Variants in ATXN7 observed in about 807,000 individuals in gnomAD.
The protein encoded by ATXN7 is ataxin 7.
ATXN7 carries 12 observed loss-of-function variants against 70.5 expected under a neutral mutation model. The observed-to-expected ratio is 0.17, with a 90% confidence interval of 0.11 to 0.28. The LOEUF is 0.28. Among genes scored for constraint, ATXN7 ranks in the 10% least tolerant of loss-of-function variants. The pLI is 1.00. For missense variants in ATXN7, 1,256 were observed against 1,131.7 expected (o/e 1.11, Z -1.58); for synonymous variants, 498 against 448.7 (o/e 1.11, Z -1.39).
chr3:63,908,994 T>C (rs999833198), intron 2 of ATXN7, among the ~76,000 whole-genome samples: 4 of 152,138 alleles, frequency 2.6e-5, no homozygotes, highest in African/African-American at 7.2e-5. Flanking sequence ...TTTGATGAAT[T>C]GTTTCCCCTA....
chr3:63,941,157 G>A (rs2107362857), intron 4 of ATXN7, among the ~76,000 whole-genome samples: 1 of 152,214 alleles, frequency 6.6e-6, no homozygotes, highest in Admixed American at 6.5e-5. Flanking sequence ...GGTCACTATT[G>A]ATAATATTGG....
chr3:63,890,398 G>C (rs1236322279), intron 1 of ATXN7, among the ~76,000 whole-genome samples: 1 of 152,198 alleles, frequency 6.6e-6, no homozygotes, highest in Admixed American at 6.5e-5. Flanking sequence ...AGGGAAACAA[G>C]TTTTGAGTTA....
intron 1 of ATXN7, among the ~76,000 whole-genome samples, chr3:63,872,488 C>T (rs1702628091): frequency 6.6e-6 from 1 of 152,150 alleles, no homozygotes; most frequent in Non-Finnish European, 1.5e-5. Flanking sequence ...GATCAAATTT[C>T]CTCAGGTGGA....
intron 4 of ATXN7, among the ~76,000 whole-genome samples, chr3:63,926,773 G>A (rs577285366): frequency 4.4e-4 from 67 of 152,102 alleles, no homozygotes; most frequent in Non-Finnish European, 7.5e-4. Context: ...TAGGTTAAGT[G>A]TCACCGTTTT....
chr3:63,988,247 C>T lies in ATXN7; in HGVS notation c.1284C>T (p.Asn428=), dbSNP rs1367217277. 2.5e-6 allele frequency: 4 copies of T among 1,614,134 alleles called. No individual in the cohort carries two copies. Among genetic ancestry groups the T allele is most frequent in the Admixed American group, 1.7e-5 (1 of 60,016 alleles). Residue 428 remains asparagine (N), a synonymous_variant, in exon 9 of 13, where the codon AAC becomes AAT. Coordinates refer to ENST00000674280, the MANE Select transcript of ATXN7 (RefSeq NM_001377405.1). ...PPRTSQEPHQ[N]PHGVIPSESK... is the part of the protein sequence containing the mutation. ...GAACGTCACAGGAGCCGCACCAAAA[C>T]CCTCACGGAGTGATTCCTTCCGAAT...
At chr3:63,956,444 A>G (rs1389291433) in intron 5 of ATXN7, among the ~76,000 whole-genome samples, 16 of 151,448 alleles carry the variant, frequency 1.1e-4, no homozygotes, top group Non-Finnish European at 2.4e-4. Context: ...AAAAAAAAAA[A>G]AAGAGTAAGG....
At position 63,970,957 on chromosome 3, in the gene ATXN7, G is replaced by C. The variant is rs139970769; in HGVS notation, c.500-8958G>C. On this transcript the variant is annotated intron_variant, in intron 5 of 12. Coordinates refer to ENST00000674280, the MANE Select transcript of ATXN7 (RefSeq NM_001377405.1). Reference sequence around the variant, plus strand: ...ATTTGATTAGGACCTTTGGTGAAAAGTTGTTTCAAGTGGCCCAAGTGCTAT... The same window carrying C: ...ATTTGATTAGGACCTTTGGTGAAAACTTGTTTCAAGTGGCCCAAGTGCTAT... Among the ~76,000 whole-genome samples, 225 of 152,304 alleles carry C rather than the reference G, an allele frequency of 1.5e-3. 1 individual carries two copies. The highest frequency in any genetic ancestry group is 5.0e-3 in the African/African-American group (207 of 41,570).
chr3:63,889,162 A>C (rs1703182319), intron 1 of ATXN7, among the ~76,000 whole-genome samples: 1 of 152,156 alleles, frequency 6.6e-6, no homozygotes, highest in Admixed American at 6.5e-5. Context: ...CATTAACCTT[A>C]TTGCCTGCTG....
intron 4 of ATXN7, among the ~76,000 whole-genome samples, chr3:63,923,289 G>C (rs1313882803): frequency 6.6e-6 from 1 of 152,186 alleles, no homozygotes; most frequent in East Asian, 1.9e-4. Context: ...TTAAGTGCCA[G>C]GTTTTCTGAT....
At chr3:63,866,234 A>G (rs1223429886) in intron 1 of ATXN7, among the ~76,000 whole-genome samples, 2 of 152,196 alleles carry the variant, frequency 1.3e-5, no homozygotes, top group Non-Finnish European at 2.9e-5. Flanking sequence ...ACCTGAAAAT[A>G]AACATTCCTG....
chr3:63,949,863 G>A (rs538761952), intron 4 of ATXN7, among the ~76,000 whole-genome samples: 1 of 152,248 alleles, frequency 6.6e-6, no homozygotes, highest in African/African-American at 2.4e-5. Context: ...TGGTTATGCC[G>A]CTTTCTTGCT....
chr3:64,001,735 A>T lies in ATXN7; in HGVS notation c.*2268A>T, dbSNP rs1262398866. 3 of 152,234 alleles carry T rather than the reference A, an allele frequency of 2.0e-5. No individual in the cohort carries two copies. The highest frequency in any genetic ancestry group is 7.2e-5 in the African/African-American group (3 of 41,456). 9.4% of individuals were successfully genotyped at this position (152,234 alleles called of 1,614,324 possible). ...ATTTTGGATTCTGTCTGCCACAAAC[A>T]GACCTATTCTAAACAGTGCTATTAA... On this transcript the variant is annotated 3_prime_UTR_variant, in exon 13 of 13. Transcript: ENST00000674280.
chr3:63,892,726 C>T (rs747867257), intron 1 of ATXN7, among the ~76,000 whole-genome samples: 6 of 152,112 alleles, frequency 3.9e-5, no homozygotes, highest in South Asian at 2.1e-4. Flanking sequence ...GCTGGGTAGC[C>T]GTCAGGACCT....
At chr3:63,936,729 G>A (rs1252334651) in intron 4 of ATXN7, among the ~76,000 whole-genome samples, 2 of 152,068 alleles carry the variant, frequency 1.3e-5, no homozygotes, top group African/African-American at 2.4e-5. Context: ...ATAGGTTCTA[G>A]GTAAATATTT....
chr3:63,973,407 T>A (rs752916025), intron 5 of ATXN7, among the ~76,000 whole-genome samples: 3 of 152,022 alleles, frequency 2.0e-5, no homozygotes, highest in Non-Finnish European at 4.4e-5. Context: ...TTGCTGATGG[T>A]CTTTTGTAGA....
intron 5 of ATXN7, among the ~76,000 whole-genome samples, chr3:63,979,323 G>A (rs576139899): frequency 6.6e-6 from 1 of 152,222 alleles, no homozygotes; most frequent in Non-Finnish European, 1.5e-5. Context: ...TTAAAAAAGG[G>A]GGGGTGGGAA....
chr3:63,919,821 A>AT (rs1485169608), intron 4 of ATXN7, among the ~76,000 whole-genome samples: 1 of 140,564 alleles, frequency 7.1e-6, no homozygotes. Flanking sequence ...AGCAGTTCAC[A>AT]TACAGAGCAC....
chr3:63,959,780 C>T (rs983605558), intron 5 of ATXN7, among the ~76,000 whole-genome samples: 31 of 152,152 alleles, frequency 2.0e-4, no homozygotes, highest in African/African-American at 7.0e-4. Flanking sequence ...ACTTATTTTT[C>T]CTCTTACTGA....
intron 1 of ATXN7, among the ~76,000 whole-genome samples, chr3:63,872,782 T>C (rs1427595067): frequency 1.3e-5 from 2 of 152,198 alleles, no homozygotes; most frequent in Non-Finnish European, 2.9e-5. Context: ...AAAACTCTGT[T>C]CTGAGGAACA....
Sources: gnomAD v4.1 joint callset for allele counts (sites outside exome capture counted in the v4.1 genomes callset) on GRCh38, gnomAD v4.1.1 for gene constraint, MANE v1.5 for transcripts, NCBI Gene and HGNC (gene_info 2026-07-23, HGNC 2026-07-21) for gene names.